The following INPP4B variants were observed in gnomAD, a reference collection of about 807,000 sequenced individuals.
INPP4B encodes inositol polyphosphate 4-phosphatase type II.
A neutral mutation model predicts 122.5 loss-of-function variants in INPP4B; 55 were observed. The ratio of observed to expected loss-of-function variants is 0.45; its 90% CI spans 0.36 to 0.56. The LOEUF (loss-of-function observed/expected upper bound fraction) is 0.56, where lower values mean the gene tolerates loss of function less well. Among genes scored for constraint, INPP4B ranks in the 20% least tolerant of loss-of-function variants. The pLI is 0.00. For missense variants in INPP4B, 1,000 were observed against 1,097.7 expected, an observed-to-expected ratio of 0.91 and a Z score of 1.26; for synonymous variants, 403 against 388.7, an observed-to-expected ratio of 1.04 and a Z score of -0.43.
intron 25 of INPP4B, among the ~76,000 whole-genome samples, chr4:142,066,098 T>G (rs925882220): frequency 6.6e-6 from 1 of 152,180 alleles, no homozygotes; most frequent in African/African-American, 2.4e-5. Context: ...TTTCTGAAAA[T>G]AGACTTATTT....
chr4:142,733,215 A>C (rs1766349153), intron 1 of INPP4B, among the ~76,000 whole-genome samples: 1 of 152,220 alleles, frequency 6.6e-6, no homozygotes, highest in Non-Finnish European at 1.5e-5. Flanking sequence ...TAAAGCTTTT[A>C]GAAGAAAATA....
intron 2 of INPP4B, among the ~76,000 whole-genome samples, chr4:142,627,096 C>T (rs979061045): frequency 2.6e-5 from 4 of 152,104 alleles, no homozygotes; most frequent in Non-Finnish European, 4.4e-5. Flanking sequence ...CCTAAAATGA[C>T]ACTCTCCAGT....
intron 1 of INPP4B, chr4:142,767,861 G>A (rs1772401711): frequency 6.6e-6 from 1 of 152,184 alleles, no homozygotes; most frequent in Non-Finnish European, 1.5e-5. Context: ...GTTGAGGGTT[G>A]CCCTGAGAAT....
intron 2 of INPP4B, among the ~76,000 whole-genome samples, chr4:142,585,397 C>G (rs1409154664): frequency 6.6e-6 from 1 of 152,134 alleles, no homozygotes; most frequent in African/African-American, 2.4e-5. Context: ...TGGAAATCTA[C>G]TACCACACAT....
intron 23 of INPP4B, among the ~76,000 whole-genome samples, chr4:142,097,330 C>A (rs1782382027): frequency 6.6e-6 from 1 of 151,660 alleles, no homozygotes; most frequent in Non-Finnish European, 1.5e-5. Flanking sequence ...TCTTGGCTCA[C>A]TGCAACCTCC....
intron 2 of INPP4B, among the ~76,000 whole-genome samples, chr4:142,716,538 T>C (rs1271389617): frequency 1.3e-5 from 2 of 152,192 alleles, no homozygotes; most frequent in South Asian, 2.1e-4. Context: ...CTGACAATTT[T>C]GATCCTAAAA....
At chr4:142,309,781 A>C (rs1764777088) in intron 8 of INPP4B, among the ~76,000 whole-genome samples, 1 of 152,200 alleles carries the variant, frequency 6.6e-6, no homozygotes, top group Non-Finnish European at 1.5e-5. Flanking sequence ...CAAAGCAGAT[A>C]ATCATTAAAT....
intron 11 of INPP4B, among the ~76,000 whole-genome samples, chr4:142,252,181 T>C (rs957819840): frequency 7.9e-5 from 11 of 139,294 alleles, no homozygotes; most frequent in Non-Finnish European, 1.7e-4. Context: ...GTCACTATAG[T>C]AGTCATTTTT....
chr4:142,742,165 C>T (rs569554492), intron 1 of INPP4B, among the ~76,000 whole-genome samples: 24 of 151,954 alleles, frequency 1.6e-4, no homozygotes, highest in African/African-American at 5.8e-4. Flanking sequence ...AATTGTCCTC[C>T]TATCACTGGA....
intron 17 of INPP4B, among the ~76,000 whole-genome samples, chr4:142,151,684 T>C (rs1814007272): frequency 6.6e-6 from 1 of 152,192 alleles, no homozygotes; most frequent in African/African-American, 2.4e-5. Flanking sequence ...GCAGGCTCAG[T>C]ACTATAGCCA....
intron 7 of INPP4B, among the ~76,000 whole-genome samples, chr4:142,398,376 T>TAAAAAAAAAAAAAAAAAA (rs1183246808): frequency 1.1e-4 from 1 of 8,874 alleles, no homozygotes; most frequent in Non-Finnish European, 2.0e-4. Flanking sequence ...AGACTCTGTC[T>TAAAAAAAAAAAAAAAAAA]AAAAAAAAAA....
At chr4:142,784,223 C>T (rs917144624) in intron 1 of INPP4B, among the ~76,000 whole-genome samples, 5 of 151,706 alleles carry the variant, frequency 3.3e-5, no homozygotes, top group Admixed American at 6.6e-5. Flanking sequence ...ATTAGCCGGG[C>T]GTGGTGGCAT....
intron 18 of INPP4B, among the ~76,000 whole-genome samples, chr4:142,127,306 C>T (rs1799060370): frequency 6.6e-6 from 1 of 152,070 alleles, no homozygotes; most frequent in Admixed American, 6.6e-5. Context: ...TCTTGCAAGA[C>T]ATTAAGTGAC....
intron 2 of INPP4B, among the ~76,000 whole-genome samples, chr4:142,588,663 T>C (rs1736760962): frequency 6.6e-6 from 1 of 151,380 alleles, no homozygotes; most frequent in South Asian, 2.1e-4. Context: ...TGCAGAAAAC[T>C]ATAAAAATCT....
intron 2 of INPP4B, among the ~76,000 whole-genome samples, chr4:142,560,842 C>T (rs1206366550): frequency 6.6e-6 from 1 of 152,170 alleles, no homozygotes; most frequent in African/African-American, 2.4e-5. Context: ...TGGCAACACT[C>T]CCACAGACAC....
intron 2 of INPP4B, among the ~76,000 whole-genome samples, chr4:142,715,511 AT>A (rs1763650406): frequency 6.6e-6 from 1 of 152,238 alleles, no homozygotes; most frequent in Non-Finnish European, 1.5e-5. Flanking sequence ...CCCCATTTTC[AT>A]CCAAGAATAG....
intron 16 of INPP4B, among the ~76,000 whole-genome samples, chr4:142,163,677 A>G (rs76569971): frequency 0.01 from 1,530 of 151,952 alleles, 19 homozygotes; most frequent in Admixed American, 0.015. Context: ...TGTGTAGGAA[A>G]AAAACAGTAT....
chr4:142,463,858 A>G (rs1399067300), intron 2 of INPP4B, among the ~76,000 whole-genome samples: 1 of 152,168 alleles, frequency 6.6e-6, no homozygotes, highest in Non-Finnish European at 1.5e-5. Context: ...AGGCCTCCCC[A>G]GCCCTGCAGA....
chr4:142,710,181 T>C (rs1762938125), intron 2 of INPP4B, among the ~76,000 whole-genome samples: 1 of 152,192 alleles, frequency 6.6e-6, no homozygotes, highest in South Asian at 2.1e-4. Context: ...CCCATATTTT[T>C]TGTTGGCAGG....
Sources: allele counts gnomAD v4.1 joint callset (sites outside exome capture counted in the v4.1 genomes callset), GRCh38; gene constraint gnomAD v4.1.1; transcripts MANE v1.5; gene names NCBI Gene and HGNC (gene_info 2026-07-23, HGNC 2026-07-21).